Variants in SGO2 observed in about 807,000 individuals in gnomAD.
The protein encoded by SGO2 is shugoshin 2, also known as shugoshin-like 2.
A neutral mutation model predicts 99.5 loss-of-function variants in SGO2; 68 were observed. The ratio of observed to expected loss-of-function variants is 0.68; its 90% CI spans 0.56 to 0.84. The LOEUF is 0.84. Among genes scored for constraint, SGO2 ranks in the 40% least tolerant of loss-of-function variants. The pLI is 0.00. For missense variants in SGO2, 1,350 were observed against 1,436.7 expected (o/e 0.94, Z 0.97); for synonymous variants, 457 against 487.1 (o/e 0.94, Z 0.81).
chr2:200,573,079 T>A lies in SGO2; in HGVS notation c.2733T>A (p.Asn911Lys). 1 of 1,576,670 alleles carries A rather than the reference T, an allele frequency of 6.3e-7. No homozygotes were observed. ...SKINKLRNKV[N>K]WKTEIISEMN... ...TAAATAAGCTCAGGAATAAAGTGAA[T>A]TGGAAGACAGAAATAATTTCTGAAA... The change falls in exon 7 of 9, where the codon AAT becomes AAA. Residue 911 changes from asparagine to lysine, a missense_variant. Coordinates refer to ENST00000357799, the MANE Select transcript of SGO2 (RefSeq NM_152524.6).
intron 5 of SGO2, among the ~76,000 whole-genome samples, chr2:200,554,268 T>G (rs1407951219): frequency 6.6e-6 from 1 of 152,116 alleles, no homozygotes; most frequent in Non-Finnish European, 1.5e-5. Flanking sequence ...CTAAAGATCA[T>G]CAACGTTTCA....
intron 5 of SGO2, among the ~76,000 whole-genome samples, chr2:200,552,741 G>A (rs916557871): frequency 6.6e-6 from 1 of 152,100 alleles, no homozygotes; most frequent in African/African-American, 2.4e-5. Context: ...TCTTGGTTTT[G>A]GTGGGTTTTG....
chr2:200,572,493 T>C lies in SGO2; in HGVS notation c.2147T>C (p.Val716Ala), dbSNP rs1199213554. The C allele has an allele frequency of 6.2e-7, 1 of 1,612,862 alleles. No homozygotes were observed. The highest frequency in any genetic ancestry group is 8.5e-7 in the Non-Finnish European group (1 of 1,179,256). Residue 716 changes from valine (V) to alanine (A), a missense_variant, in exon 7 of 9, where the codon GTA (valine) becomes GCA (alanine). Physicochemically the swap from Val to Ala is moderately conservative, Grantham distance 64. Transcript: ENST00000357799. ...GTTAATAAGAAGCTTAGGCAGAAAG[T>C]AAATCGGAAGACAGAAATAATTTCT... ...SKVNKKLRQK[V>A]NRKTEIISEV...
At chr2:200,563,305 A>G (rs2033047011) in intron 5 of SGO2, among the ~76,000 whole-genome samples, 1 of 152,204 alleles carries the variant, frequency 6.6e-6, no homozygotes, top group Non-Finnish European at 1.5e-5. Context: ...TTCTGCATCT[A>G]TGGAGATAAT....
rs1408169343 is a variant in SGO2 at position 200,571,799 on chromosome 2, G to GA, written c.1457dup (p.Asn486LysfsTer5). The stretch of plus-strand genomic sequence containing the variant: ...AACTGGCTTTGAACAAGGTGACAGA[G>GA]AAAATGTACTGTGTAATAAAAAGGA... On this transcript the variant is annotated frameshift_variant, in exon 7 of 9. Coordinates refer to ENST00000357799, the MANE Select transcript of SGO2 (RefSeq NM_152524.6). LOFTEE classifies it high-confidence loss of function. 9.3e-6 allele frequency: 15 copies of GA among 1,613,394 alleles called. No homozygotes were observed. The highest frequency in any genetic ancestry group is 1.3e-5 in the Non-Finnish European group (15 of 1,179,596).
In SGO2 at chr2:200,558,179, T is replaced by C. The variant is rs538875099; in HGVS notation, c.474-11484T>C. The stretch of plus-strand genomic sequence containing the variant: ...TGCCCGGCCAGCTACTTGTTAAATA[T>C]TGAATAAAAGAAGTAAGAACAGGCA... On this transcript the variant is annotated intron_variant, in intron 5 of 8. Coordinates refer to ENST00000357799, the MANE Select transcript of SGO2 (RefSeq NM_152524.6). Among the ~76,000 whole-genome samples the C allele has an allele frequency of 2.6e-5, 4 of 152,284 alleles. No homozygotes were observed. In the South Asian group the frequency reaches 6.2e-4, roughly 24 times the overall value.
chr2:200,581,146 C>A (rs2033830008), intron 8 of SGO2, among the ~76,000 whole-genome samples: 1 of 152,116 alleles, frequency 6.6e-6, no homozygotes, highest in African/African-American at 2.4e-5. Context: ...ATAGGATCAG[C>A]ATTTATAACT....
At chr2:200,562,852 C>T (rs1470547179) in intron 5 of SGO2, among the ~76,000 whole-genome samples, 1 of 152,008 alleles carries the variant, frequency 6.6e-6, no homozygotes, top group Non-Finnish European at 1.5e-5. Context: ...TGATTTGGCT[C>T]TCTGTTTGTC....
Position 200,533,012 on chromosome 2 carries a change from A to G in SGO2, c.37A>G (p.Thr13Ala). Residue 13 changes from threonine to alanine, a missense_variant, in exon 2 of 9, where the codon ACC (threonine) becomes GCC (alanine). Transcript: ENST00000357799. ...AGTGATGGAAACTGGCTCACTTTTT[A>G]CCTCAGGAATTAAGAGACATTTGAA... ...CPVMETGSLF[T>A]SGIKRHLKDK... 1 of 1,609,710 alleles carries G rather than the reference A, an allele frequency of 6.2e-7. No individual in the cohort carries two copies. Among genetic ancestry groups the G allele is most frequent in the South Asian group, 1.1e-5 (1 of 89,594 alleles).
chr2:200,566,736 C>A (rs1328957844), intron 5 of SGO2, among the ~76,000 whole-genome samples: 1 of 152,190 alleles, frequency 6.6e-6, no homozygotes, highest in African/African-American at 2.4e-5. Context: ...AGCTTCCTAG[C>A]CGCTTTGTTT....
At chr2:200,548,638 TA>T (rs2032340069) in intron 5 of SGO2, among the ~76,000 whole-genome samples, 1 of 151,914 alleles carries the variant, frequency 6.6e-6, no homozygotes, top group African/African-American at 2.4e-5. Flanking sequence ...AAATTGATAC[TA>T]AAAAAGTATA....
At chr2:200,529,062 T>C (rs181990382) in intron 1 of SGO2, among the ~76,000 whole-genome samples, 34 of 152,300 alleles carry the variant, frequency 2.2e-4, no homozygotes, top group Admixed American at 1.6e-3. Context: ...AGAAATTTCA[T>C]TGTAGTGGAT....
At chr2:200,551,517 G>A (rs1295281655) in intron 5 of SGO2, among the ~76,000 whole-genome samples, 1 of 152,036 alleles carries the variant, frequency 6.6e-6, no homozygotes, top group Non-Finnish European at 1.5e-5. Context: ...CTTAAAAATG[G>A]GAAAGATGTA....
At chr2:200,542,416 C>T (rs1167814021) in intron 4 of SGO2, among the ~76,000 whole-genome samples, 163 bp from the exon 5 acceptor site, 1 of 152,118 alleles carries the variant, frequency 6.6e-6, no homozygotes, top group Non-Finnish European at 1.5e-5. Flanking sequence ...TAAGGATGCA[C>T]TGTGTTTTAA....
Position 200,572,326 on chromosome 2 carries a change from C to CCTAT in SGO2, c.1980_1981insCTAT (p.Ile661LeufsTer16). The CCTAT allele has an allele frequency of 6.2e-7, 1 of 1,609,410 alleles. No homozygotes were observed. ...AGGATAAAGAACCTATCTCTGAAAA[C>CCTAT]ATAGAAGTTTCCAAAGAGCTTCAAA... On this transcript the variant is annotated frameshift_variant, in exon 7 of 9. Coordinates refer to ENST00000357799, the MANE Select transcript of SGO2 (RefSeq NM_152524.6). LOFTEE classifies it high-confidence loss of function.
intron 5 of SGO2, among the ~76,000 whole-genome samples, chr2:200,561,299 G>A (rs947362611): frequency 6.6e-5 from 10 of 152,094 alleles, no homozygotes; most frequent in Non-Finnish European, 1.3e-4. Flanking sequence ...GCAGTGTTTG[G>A]TTTTCTGTCC....
intron 5 of SGO2, among the ~76,000 whole-genome samples, chr2:200,558,115 C>T (rs566946360): frequency 9.2e-5 from 14 of 152,212 alleles, no homozygotes; most frequent in South Asian, 4.1e-4. Context: ...TGTCCACCTT[C>T]GCCTTCCAAA....
chr2:200,566,567 G>A (rs1474030674), intron 5 of SGO2, among the ~76,000 whole-genome samples: 2 of 152,174 alleles, frequency 1.3e-5, no homozygotes, highest in African/African-American at 2.4e-5. Context: ...CTCAAACCCT[G>A]GGCTGGGGGA....
intron 4 of SGO2, 134 bp from the exon 5 acceptor site, chr2:200,542,445 C>A (rs2032006811): frequency 7.0e-6 from 4 of 567,542 alleles, no homozygotes; most frequent in Non-Finnish European, 1.2e-5. Context: ...TCACATTATT[C>A]TCATTAAATT....
Sources: gnomAD v4.1 joint callset for allele counts (sites outside exome capture counted in the v4.1 genomes callset) on GRCh38, gnomAD v4.1.1 for gene constraint, MANE v1.5 for transcripts, NCBI Gene and HGNC (gene_info 2026-07-23, HGNC 2026-07-21) for gene names.